The following ELFN2 variants were observed in gnomAD, a reference collection of about 807,000 sequenced individuals.
ELFN2 encodes the protein protein phosphatase 1 regulatory subunit 29.
A neutral mutation model predicts 45.5 loss-of-function variants in ELFN2; 17 were observed. The observed-to-expected ratio is 0.37, with a 90% CI of 0.26 to 0.56. The LOEUF (loss-of-function observed/expected upper bound fraction) is 0.56. ELFN2 is among the 20% of genes least tolerant of loss of function. The pLI is 0.77. For synonymous variants in ELFN2, 550 were observed against 551.5 expected (o/e 1.00, Z 0.04); for missense variants, 922 against 1,183.2 (o/e 0.78, Z 3.24).
At chr22:37,412,277 C>CAAAAAAAA (rs56073200) in intron 2 of ELFN2, among the ~76,000 whole-genome samples, 19 of 92,246 alleles carry the variant, frequency 2.1e-4, no homozygotes, top group African/African-American at 7.9e-4. Flanking sequence ...AACTCCGTCT[C>CAAAAAAAA]AAAAAAAAAA....
chr22:37,408,992 C>T (rs192263330), intron 2 of ELFN2, among the ~76,000 whole-genome samples: 36 of 152,320 alleles, frequency 2.4e-4, no homozygotes, highest in African/African-American at 4.3e-4. Context: ...GCAATTCGAA[C>T]GCTGGACTCA....
At chr22:37,402,149 A>ACC (rs1932379583) in intron 2 of ELFN2, among the ~76,000 whole-genome samples, 1 of 152,218 alleles carries the variant, frequency 6.6e-6, no homozygotes, top group African/African-American at 2.4e-5. Context: ...ATCAGAGGAG[A>ACC]TAATCCAAGT....
chr22:37,391,345 C>G (rs1264888108), intron 2 of ELFN2, among the ~76,000 whole-genome samples: 1 of 152,170 alleles, frequency 6.6e-6, no homozygotes, highest in Non-Finnish European at 1.5e-5. Flanking sequence ...GGGCCCGGCA[C>G]CGTCCCAGTA....
intron 2 of ELFN2, among the ~76,000 whole-genome samples, chr22:37,408,393 G>A (rs751782498): frequency 2.0e-4 from 31 of 152,190 alleles, no homozygotes; most frequent in Non-Finnish European, 2.9e-4. Context: ...CCTTGGCAGC[G>A]GCCCACCATG....
chr22:37,380,924 A>C (rs1263445376), intron 2 of ELFN2, among the ~76,000 whole-genome samples: 1 of 152,140 alleles, frequency 6.6e-6, no homozygotes, highest in Non-Finnish European at 1.5e-5. Flanking sequence ...CCTTGTCTGT[A>C]AAATGGGAGG....
At chr22:37,364,358 A>G (rs1931155962), downstream of ELFN2, among the ~76,000 whole-genome samples, 2 of 152,174 alleles carry the variant, frequency 1.3e-5, no homozygotes, top group Admixed American at 1.3e-4. Flanking sequence ...AAGAAGCACA[A>G]GGGCTGCCAG....
rs75143903 is a variant in ELFN2 at position 37,393,778 on chromosome 22, G to A, written c.-462-17782C>T. 6.4e-3 allele frequency among the ~76,000 whole-genome samples: 972 copies of A among 152,236 alleles called. 8 individuals carry two copies. Among genetic ancestry groups the A allele is most frequent in the African/African-American group, 0.022 (900 of 41,544 alleles). On this transcript the variant is annotated intron_variant, in intron 2 of 2. Coordinates refer to ENST00000402918, the MANE Select transcript of ELFN2 (RefSeq NM_052906.5). ...GTGCCAACAGGAGGCCCCAGCACTC[G>A]GCCACCCTCTTGCCCTGGCTCCTTC...
In ELFN2 at chr22:37,373,549, C is replaced by G; in HGVS notation, c.1986G>C (p.Lys662Asn). 1 of 1,596,124 alleles carries G rather than the reference C, an allele frequency of 6.3e-7. No homozygotes were observed. Among genetic ancestry groups the G allele is most frequent in the Non-Finnish European group, 8.5e-7 (1 of 1,172,982 alleles). The change falls in exon 3 of 3, where the codon AAG (lysine) becomes AAC (asparagine). Residue 662 changes from lysine (K) to asparagine (N), a missense_variant. Physicochemically the swap from Lys to Asn is moderately conservative, Grantham distance 94. Coordinates refer to ENST00000402918, the MANE Select transcript of ELFN2 (RefSeq NM_052906.5). ...AATGLAKGDS[K>N]YIEKGSPLNS... ...TGAGGGGGCTGCCCTTCTCGATGTA[C>G]TTGGAGTCGCCCTTAGCCAGCCCTG...
intron 1 of ELFN2, chr22:37,342,784 AGC>A (rs1282320054): frequency 2.1e-5 from 1 of 47,180 alleles, no homozygotes; most frequent in Non-Finnish European, 4.1e-5. Flanking sequence ...AGAGCTGGGG[AGC>A]AAGGTGTGGG....
chr22:37,346,612 G>A (rs1930701910), intron 1 of ELFN2, among the ~76,000 whole-genome samples: 1 of 152,178 alleles, frequency 6.6e-6, no homozygotes, highest in Non-Finnish European at 1.5e-5. Context: ...TAATCACTGG[G>A]GAAGGCCATG....
chr22:37,388,433 T>A (rs1268062654), intron 2 of ELFN2, among the ~76,000 whole-genome samples: 1 of 152,140 alleles, frequency 6.6e-6, no homozygotes, highest in African/African-American at 2.4e-5. Context: ...CAATAAATAT[T>A]TGTTCATGGC....
intron 1 of ELFN2, among the ~76,000 whole-genome samples, chr22:37,343,251 G>A (rs967966677): frequency 1.3e-5 from 2 of 152,072 alleles, no homozygotes; most frequent in African/African-American, 4.8e-5. Flanking sequence ...GCAGGTGGGG[G>A]CCCCAGCTGC....
At chr22:37,390,806 C>A (rs1932068581) in intron 2 of ELFN2, among the ~76,000 whole-genome samples, 1 of 152,188 alleles carries the variant, frequency 6.6e-6, no homozygotes, top group Non-Finnish European at 1.5e-5. Context: ...TGCTCCATGA[C>A]CATGACTGCC....
downstream of ELFN2, among the ~76,000 whole-genome samples, chr22:37,365,634 TAGAG>T (rs1335739300): frequency 1.3e-5 from 2 of 152,166 alleles, no homozygotes; most frequent in Non-Finnish European, 2.9e-5. Flanking sequence ...GCACCCCACT[TAGAG>T]GGCATGACAC....
At chr22:37,359,624 G>A (rs893114250) in intron 1 of ELFN2, among the ~76,000 whole-genome samples, 3 of 152,240 alleles carry the variant, frequency 2.0e-5, no homozygotes, top group South Asian at 2.1e-4. Context: ...CGTGAAGCAG[G>A]AGTAGCTCAA....
At chr22:37,407,899 A>C (rs905802184) in intron 2 of ELFN2, among the ~76,000 whole-genome samples, 9 of 152,006 alleles carry the variant, frequency 5.9e-5, no homozygotes, top group Admixed American at 3.9e-4. Flanking sequence ...CGTCTCAAAA[A>C]AAAAAAGAAA....
chr22:37,341,101 C>G (rs1399691453), intron 2 of ELFN2: 1 of 152,462 alleles, frequency 6.6e-6, no homozygotes, highest in African/African-American at 2.4e-5. Flanking sequence ...TGAGCCAGAC[C>G]ATGAGGGGCA....
At chr22:37,354,307 T>C (rs4821636) in intron 1 of ELFN2, 49,720 of 152,048 alleles carry the variant, frequency 0.33, 8,674 homozygotes, top group Middle Eastern at 0.44. Flanking sequence ...ATGCCATGGG[T>C]GTGTTCACTT....
chr22:37,375,777 G>T lies in ELFN2; in HGVS notation c.-243C>A. ...GCCCCACAGCCTGCTCCCCACCGCA[G>T]CGTTGCTCCTTGTCTCCTGCTAGGA... On this transcript the variant is annotated 5_prime_UTR_variant, in exon 3 of 3. In the 5' UTR this introduces an upstream ATG that the reference lacks. Coordinates refer to ENST00000402918, the MANE Select transcript of ELFN2 (RefSeq NM_052906.5). 1.8e-6 allele frequency: 1 copy of T among 562,794 alleles called. No homozygotes were observed. Among genetic ancestry groups the T allele is most frequent in the Non-Finnish European group, 3.2e-6 (1 of 312,758 alleles). 34.9% of individuals were successfully genotyped at this position (562,794 alleles called of 1,614,324 possible).
Sources: allele counts gnomAD v4.1 joint callset (sites outside exome capture counted in the v4.1 genomes callset), GRCh38; gene constraint gnomAD v4.1.1; transcripts MANE v1.5; gene names NCBI Gene and HGNC (gene_info 2026-07-23, HGNC 2026-07-21).